VEPH1: variants seen among roughly 807,000 people sequenced by gnomAD.
VEPH1 encodes the protein ventricular zone-expressed PH domain-containing protein homolog 1.
A neutral mutation model predicts 85.2 loss-of-function variants in VEPH1; 80 were observed. That is an observed-to-expected ratio of 0.94 (90% CI 0.78 to 1.13). VEPH1 has a LOEUF of 1.13. Among genes scored for constraint, VEPH1 ranks in the 50% most tolerant of loss-of-function variants. The probability of loss-of-function intolerance (pLI) is 0.00; values close to 1 mark genes in which losing one functional copy is unlikely to be tolerated. For missense variants in VEPH1, 955 were observed against 980.5 expected, an observed-to-expected ratio of 0.97 and a Z score of 0.35; for synonymous variants, 297 against 348.0, an observed-to-expected ratio of 0.85 and a Z score of 1.63.
rs1257874757 is a variant in VEPH1, at chr3:157,259,851, G to A, written c.*1283C>T. On this transcript the variant is annotated 3_prime_UTR_variant, in exon 14 of 14. Transcript: ENST00000362010. ...CAGAGTTTCACAAAGCTGCAAGCAA[G>A]GCGTTGGCTGGGGCTGGGCTTTTAT... 6.6e-6 allele frequency: 1 copy of A among 152,194 alleles called. No homozygotes were observed. Among genetic ancestry groups the A allele is most frequent in the Non-Finnish European group, 1.5e-5 (1 of 68,044 alleles). 9.4% of individuals were successfully genotyped at this position (152,194 alleles called of 1,614,324 possible).
intron 13 of VEPH1, among the ~76,000 whole-genome samples, chr3:157,261,749 T>G (rs1712936782): frequency 6.6e-6 from 1 of 152,142 alleles, no homozygotes; most frequent in Non-Finnish European, 1.5e-5. Context: ...GAATTTTCCT[T>G]TGTGCTACCT....
chr3:157,403,546 G>T (rs1730925132), intron 6 of VEPH1, among the ~76,000 whole-genome samples: 1 of 152,072 alleles, frequency 6.6e-6, no homozygotes, highest in Admixed American at 6.6e-5. Flanking sequence ...TCATTTCTAA[G>T]TGAATAAAAA....
chr3:157,495,943 C>A (rs1278380414), intron 1 of VEPH1, among the ~76,000 whole-genome samples: 1 of 152,174 alleles, frequency 6.6e-6, no homozygotes, highest in African/African-American at 2.4e-5. Flanking sequence ...CTTCCAGAAC[C>A]TGGACACAGA....
In VEPH1 at chr3:157,413,979, T is replaced by C; in HGVS notation, c.808A>G (p.Asn270Asp). The C allele has an allele frequency of 1.9e-6, 3 of 1,613,626 alleles. No individual in the cohort carries two copies. Among genetic ancestry groups the C allele is most frequent in the Non-Finnish European group, 2.5e-6 (3 of 1,179,736 alleles). ...EIAVYEPVALNSFLPMLKEIG... is the reference protein window; with the variant it reads ...EIAVYEPVALDSFLPMLKEIG... The stretch of plus-strand genomic sequence containing the variant: ...TCTTTCAGCATTGGAAGAAAACTGT[T>C]CAAAGCCACTGGCTCATAGACTGCT... Residue 270 changes from asparagine (N) to aspartate (D), a missense_variant, in exon 6 of 14, where the codon AAC becomes GAC. Transcript: ENST00000362010.
intron 6 of VEPH1, 52 bp downstream of exon 6, chr3:157,413,829 G>T (rs184244911): frequency 6.3e-7 from 1 of 1,578,252 alleles, no homozygotes; most frequent in East Asian, 2.2e-5. Flanking sequence ...AAATAGGTTG[G>T]ATTAAGTGCC....
intron 9 of VEPH1, among the ~76,000 whole-genome samples, chr3:157,319,255 A>G (rs1721116503): frequency 6.6e-6 from 1 of 152,234 alleles, no homozygotes; most frequent in Admixed American, 6.5e-5. Flanking sequence ...TAAGTTGAAC[A>G]TACAGTGTTC....
chr3:157,371,552 T>C (rs1276162437), intron 7 of VEPH1, among the ~76,000 whole-genome samples: 1 of 152,230 alleles, frequency 6.6e-6, no homozygotes, highest in African/African-American at 2.4e-5. Context: ...TCTCAGGTTC[T>C]GATCCCAGAT....
chr3:157,480,462 C>T (rs551691764), intron 2 of VEPH1, among the ~76,000 whole-genome samples: 12 of 152,232 alleles, frequency 7.9e-5, no homozygotes, highest in African/African-American at 2.4e-4. Context: ...TTCCCTCCCT[C>T]TTTCTCTAGT....
chr3:157,349,434 T>G (rs1667209190), intron 9 of VEPH1, among the ~76,000 whole-genome samples: 1 of 152,208 alleles, frequency 6.6e-6, no homozygotes, highest in African/African-American at 2.4e-5. Context: ...TCTTACTGAA[T>G]GGAGAAAAAC....
intron 2 of VEPH1, among the ~76,000 whole-genome samples, chr3:157,479,142 T>C (rs1283052119): frequency 6.6e-6 from 1 of 152,190 alleles, no homozygotes; most frequent in Non-Finnish European, 1.5e-5. Context: ...GAAAATATCA[T>C]GTTCTTTTGA....
intron 2 of VEPH1, among the ~76,000 whole-genome samples, chr3:157,487,151 G>A (rs907249150): frequency 7.9e-5 from 12 of 151,824 alleles, no homozygotes; most frequent in African/African-American, 2.9e-4. Flanking sequence ...AGTACAAAAA[G>A]TAAAGTAGTA....
intron 12 of VEPH1, among the ~76,000 whole-genome samples, chr3:157,278,943 G>T (rs1289859059): frequency 6.6e-6 from 1 of 152,158 alleles, no homozygotes; most frequent in African/African-American, 2.4e-5. Context: ...AGCTACTCTG[G>T]AGTCTGAGGT....
chr3:157,457,537 T>C (rs1735484195), intron 4 of VEPH1, among the ~76,000 whole-genome samples: 1 of 152,232 alleles, frequency 6.6e-6, no homozygotes, highest in Non-Finnish European at 1.5e-5. Flanking sequence ...TGGCTCTTAC[T>C]ATTTTGAGGT....
At chr3:157,397,247 G>A (rs751493915) in intron 6 of VEPH1, among the ~76,000 whole-genome samples, 9 of 152,190 alleles carry the variant, frequency 5.9e-5, no homozygotes, top group Middle Eastern at 3.4e-3. Flanking sequence ...TTGTAGATGC[G>A]TGGTCTTATT....
chr3:157,275,758 G>T (rs1263206660), intron 12 of VEPH1, among the ~76,000 whole-genome samples: 1 of 151,978 alleles, frequency 6.6e-6, no homozygotes, highest in Admixed American at 6.5e-5. Context: ...CACTGCTTCT[G>T]GGAATTATGA....
chr3:157,350,553 A>G (rs1291262795), intron 9 of VEPH1, among the ~76,000 whole-genome samples: 2 of 152,252 alleles, frequency 1.3e-5, no homozygotes, highest in African/African-American at 4.8e-5. Flanking sequence ...CTGCACAGCA[A>G]AGGAAATCAA....
At chr3:157,352,650 T>C (rs1724990604) in intron 9 of VEPH1, among the ~76,000 whole-genome samples, 1 of 152,220 alleles carries the variant, frequency 6.6e-6, no homozygotes, top group Admixed American at 6.5e-5. Context: ...TTACTTTACA[T>C]TGGAGATACA....
intron 6 of VEPH1, among the ~76,000 whole-genome samples, chr3:157,411,537 C>T (rs1403906369): frequency 6.6e-6 from 1 of 152,070 alleles, no homozygotes; most frequent in African/African-American, 2.4e-5. Flanking sequence ...GCACAGGTTC[C>T]CGTAAATCCA....
chr3:157,280,772 G>A (rs1303614211), intron 12 of VEPH1, among the ~76,000 whole-genome samples: 2 of 152,160 alleles, frequency 1.3e-5, no homozygotes, highest in East Asian at 3.8e-4. Context: ...TTAAAAGTTA[G>A]ATTTTCAAGT....
Sources: allele counts gnomAD v4.1 joint callset (sites outside exome capture counted in the v4.1 genomes callset), GRCh38; gene constraint gnomAD v4.1.1; transcripts MANE v1.5; gene names NCBI Gene and HGNC (gene_info 2026-07-23, HGNC 2026-07-21).